ACSBG2: variants seen among roughly 807,000 people sequenced by gnomAD.
ACSBG2 encodes long-chain-fatty-acid--CoA ligase ACSBG2.
ACSBG2 carries 62 observed loss-of-function variants against 74.7 expected under a neutral mutation model. That is an observed-to-expected ratio of 0.83 (90% CI 0.68 to 1.03). ACSBG2 has a LOEUF of 1.03. ACSBG2 is among the 50% of genes least tolerant of loss of function. The probability of loss-of-function intolerance (pLI) is 0.00; values close to 1 mark genes in which losing one functional copy is unlikely to be tolerated. For synonymous variants in ACSBG2, 309 were observed against 294.1 expected, an observed-to-expected ratio of 1.05 and a Z score of -0.52; for missense variants, 730 against 817.6, an observed-to-expected ratio of 0.89 and a Z score of 1.31.
chr19:6,176,494 C>A (rs867126763), intron 7 of ACSBG2: 35 of 991,496 alleles, frequency 3.5e-5, no homozygotes, highest in Middle Eastern at 2.4e-4. Flanking sequence ...TATGAAAAAA[C>A]AACACACACA....
intron 7 of ACSBG2, chr19:6,176,127 TTC>T: frequency 2.4e-6 from 1 of 412,028 alleles, no homozygotes; most frequent in Non-Finnish European, 4.2e-6. Context: ...GACTCTGTGC[TTC>T]TGTTTTCACA....
Position 6,187,834 on chromosome 19 carries a change from G to T in ACSBG2, c.1916G>T (p.Gly639Val). Residue 639 changes from glycine (G) to valine (V), a missense_variant, in exon 13 of 15, where the codon GGT becomes GTT. Coordinates refer to ENST00000588485, the MANE Select transcript of ACSBG2 (RefSeq NM_030924.5). ...VILEKDFSIY[G>V]GELGPMMKLK... ...TTGGAGAAGGACTTTTCCATCTATG[G>T]TGGAGAGCTAGGTGAGTGGCCATGA... The T allele has an allele frequency of 6.2e-7, 1 of 1,614,148 alleles. No homozygotes were observed. Among genetic ancestry groups the T allele is most frequent in the Non-Finnish European group, 8.5e-7 (1 of 1,180,008 alleles).
intron 1 of ACSBG2, among the ~76,000 whole-genome samples, chr19:6,141,233 A>G (rs2088818279): frequency 6.6e-6 from 1 of 152,190 alleles, no homozygotes; most frequent in African/African-American, 2.4e-5. Context: ...GGAGGCTTCA[A>G]AATATTTTCT....
Position 6,151,768 on chromosome 19 carries a change from TCA to T in ACSBG2, c.361_362del (p.Thr121CysfsTer38). ...GGGTTTAACTCTGCAGAGTGGTTTA[TCA>T]CTGCTGTTGGTGCCATCCTAGCCGG... On this transcript the variant is annotated frameshift_variant, in exon 4 of 15. Transcript: ENST00000588485. LOFTEE classifies it high-confidence loss of function. 1 of 1,600,720 alleles carries T rather than the reference TCA, an allele frequency of 6.2e-7. No homozygotes were observed. Among genetic ancestry groups the T allele is most frequent in the Non-Finnish European group, 8.5e-7 (1 of 1,173,452 alleles).
chr19:6,138,661 A>G (rs2088692312), intron 1 of ACSBG2, among the ~76,000 whole-genome samples: 1 of 99,324 alleles, frequency 1.0e-5, no homozygotes, highest in Non-Finnish European at 2.0e-5. Flanking sequence ...GAAGGAAGAA[A>G]GAAAAGGCAG....
chr19:6,154,765 G>T (rs928904038), intron 4 of ACSBG2, among the ~76,000 whole-genome samples: 1 of 151,992 alleles, frequency 6.6e-6, no homozygotes, highest in Non-Finnish European at 1.5e-5. Flanking sequence ...ACCTGCCTCA[G>T]CCTCCCAAAG....
At chr19:6,150,176 A>G (rs754608532) in intron 3 of ACSBG2, among the ~76,000 whole-genome samples, 12 of 151,788 alleles carry the variant, frequency 7.9e-5, no homozygotes, top group Non-Finnish European at 1.8e-4. Context: ...GCAAAACACA[A>G]CACGTGTTGG....
At position 6,165,963 on chromosome 19, in the gene ACSBG2, A is replaced by G. The variant is rs764934395; in HGVS notation, c.686A>G (p.Tyr229Cys). The G allele has an allele frequency of 6.2e-7, 1 of 1,614,152 alleles. No homozygotes were observed. Among genetic ancestry groups the G allele is most frequent in the South Asian group, 1.1e-5 (1 of 91,076 alleles). Residue 229 changes from tyrosine to cysteine, a missense_variant, in exon 7 of 15, where the codon TAC (tyrosine) becomes TGC (cysteine). Physicochemically the swap from Tyr to Cys is radical, Grantham distance 194. Transcript: ENST00000588485. ...QKANQCAVLI[Y>C]TSGTTGIPKG... ...GCGAATCAATGCGCAGTGCTCATCT[A>G]CACTTCAGGGACCACAGGCATACCC...
intron 1 of ACSBG2, among the ~76,000 whole-genome samples, chr19:6,137,132 T>C (rs923446999): frequency 6.8e-6 from 1 of 146,288 alleles, no homozygotes; most frequent in Non-Finnish European, 1.5e-5. Flanking sequence ...ATGGGCAATT[T>C]ATAAAGAAAA....
intron 14 of ACSBG2, chr19:6,192,071 C>CAAAAAAAAAAAAAAAAAAAAAAAA (rs397859531): frequency 3.0e-4 from 17 of 57,446 alleles, no homozygotes; most frequent in African/African-American, 1.0e-3. Context: ...AGCACAGCAC[C>CAAAAAAAAAAAAAAAAAAAAAAAA]AAAAAAAAAA....
intron 7 of ACSBG2, among the ~76,000 whole-genome samples, chr19:6,169,810 T>G (rs1021352356): frequency 2.0e-5 from 3 of 152,176 alleles, no homozygotes; most frequent in Admixed American, 6.5e-5. Flanking sequence ...TGGTTAAATG[T>G]GTCTGTGGGT....
At chr19:6,156,788 T>G (rs1324820607) in intron 5 of ACSBG2, among the ~76,000 whole-genome samples, 1 of 114,216 alleles carries the variant, frequency 8.8e-6, no homozygotes, top group African/African-American at 5.7e-5. Context: ...CAGCCTCCAT[T>G]TTTTTTTTTT....
chr19:6,181,817 C>CCT (rs1600120068), intron 8 of ACSBG2, among the ~76,000 whole-genome samples: 1 of 102,092 alleles, frequency 9.8e-6, no homozygotes, highest in Non-Finnish European at 1.9e-5. Flanking sequence ...CCACCCGCCC[C>CCT]CCCCCCCAAC....
chr19:6,144,323 G>A (rs1035889523), intron 2 of ACSBG2, among the ~76,000 whole-genome samples: 13 of 152,152 alleles, frequency 8.5e-5, no homozygotes, highest in African/African-American at 2.4e-4. Context: ...TTAAAATGAC[G>A]TCATGAGGTT....
intron 1 of ACSBG2, among the ~76,000 whole-genome samples, chr19:6,140,465 A>G (rs926808734): frequency 1.3e-5 from 2 of 152,140 alleles, no homozygotes; most frequent in Non-Finnish European, 2.9e-5. Flanking sequence ...GGATCACTTG[A>G]GCTTGGGAGT....
chr19:6,182,066 C>T (rs752280905), intron 8 of ACSBG2, among the ~76,000 whole-genome samples: 12 of 152,048 alleles, frequency 7.9e-5, no homozygotes, highest in African/African-American at 1.2e-4. Context: ...TAAACCAGGA[C>T]GGTTGTTCAC....
intron 14 of ACSBG2, among the ~76,000 whole-genome samples, chr19:6,192,383 A>C (rs1490028045): frequency 6.6e-6 from 1 of 152,148 alleles, no homozygotes; most frequent in Non-Finnish European, 1.5e-5. Context: ...TCAGCTTCAC[A>C]AAGTGCTGTG....
At chr19:6,136,622 C>G (rs370637369) in intron 1 of ACSBG2, among the ~76,000 whole-genome samples, 49 of 152,362 alleles carry the variant, frequency 3.2e-4, no homozygotes, top group African/African-American at 1.2e-3. Flanking sequence ...CTCAGCCTCC[C>G]AAAGTGCTGG....
In ACSBG2 at chr19:6,158,651, T is replaced by A. The variant is rs192922525; in HGVS notation, c.507+2100T>A. 3.5e-4 allele frequency among the ~76,000 whole-genome samples: 54 copies of A among 152,310 alleles called. No homozygotes were observed. The East Asian group carries it at 0.01, about 29-fold the overall frequency. On this transcript the variant is annotated intron_variant, in intron 5 of 14. Transcript: ENST00000588485. Reference sequence around the variant, plus strand: ...ACTGTTTCTTGAATACATGATTTCATGACTCTGAGTCACTCATTTCTTCAC... The same window carrying A: ...ACTGTTTCTTGAATACATGATTTCAAGACTCTGAGTCACTCATTTCTTCAC...
Sources: gnomAD v4.1 joint callset for allele counts (sites outside exome capture counted in the v4.1 genomes callset) on GRCh38, gnomAD v4.1.1 for gene constraint, MANE v1.5 for transcripts, NCBI Gene and HGNC (gene_info 2026-07-23, HGNC 2026-07-21) for gene names.